DLC1: variants seen among roughly 807,000 people sequenced by gnomAD.
The protein encoded by DLC1 is DLC1 Rho GTPase activating protein, also known as rho GTPase-activating protein 7.
Under a neutral mutation model 140.3 loss-of-function variants are expected in DLC1, and 54 were observed. The observed-to-expected ratio is 0.38, with a 90% CI of 0.31 to 0.48. The LOEUF is 0.48. Among genes scored for constraint, DLC1 ranks in the 20% least tolerant of loss-of-function variants. The pLI is 0.96. For synonymous variants in DLC1, 986 were observed against 728.1 expected (o/e 1.35, Z -5.70); for missense variants, 2,536 against 1,907.0 (o/e 1.33, Z -6.14).
At chr8:13,153,128 G>A (rs4302840) in intron 5 of DLC1, among the ~76,000 whole-genome samples, 50,813 of 151,592 alleles carry the variant, frequency 0.34, 9,664 homozygotes, top group East Asian at 0.53. Context: ...CCGCGGACCC[G>A]CGCAGTGAGT....
At chr8:13,262,336 C>T (rs1365071195) in intron 5 of DLC1, among the ~76,000 whole-genome samples, 1 of 151,114 alleles carries the variant, frequency 6.6e-6, no homozygotes, top group East Asian at 1.9e-4. Context: ...TGATAAAAGC[C>T]ATTAAAATTA....
intron 5 of DLC1, among the ~76,000 whole-genome samples, chr8:13,299,059 C>T (rs1832075860): frequency 6.6e-6 from 1 of 151,830 alleles, no homozygotes; most frequent in Admixed American, 6.6e-5. Context: ...TGCAGTGTTA[C>T]TTTTCCAAGA....
chr8:13,421,427 C>T (rs1838317161), intron 2 of DLC1, among the ~76,000 whole-genome samples: 1 of 152,082 alleles, frequency 6.6e-6, no homozygotes, highest in Non-Finnish European at 1.5e-5. Flanking sequence ...TAACCATCTG[C>T]ATATATCTGG....
chr8:13,592,086 A>C (rs755556251), intron 1 of DLC1, among the ~76,000 whole-genome samples: 1 of 152,062 alleles, frequency 6.6e-6, no homozygotes, highest in Non-Finnish European at 1.5e-5. Flanking sequence ...AAGAGTTCAA[A>C]CATAGGGCCC....
chr8:13,524,328 G>A (rs1802854038), intron 1 of DLC1, among the ~76,000 whole-genome samples: 1 of 151,766 alleles, frequency 6.6e-6, no homozygotes, highest in Admixed American at 6.6e-5. Context: ...AGTAGAGATG[G>A]GGTTTTGCCA....
intron 5 of DLC1, among the ~76,000 whole-genome samples, chr8:13,211,669 T>C (rs1827949201): frequency 6.6e-6 from 1 of 152,226 alleles, no homozygotes; most frequent in South Asian, 2.1e-4. Context: ...TTCCTCTGTC[T>C]ATTAGATACA....
At chr8:13,579,343 A>AT (rs1804972231) in intron 1 of DLC1, among the ~76,000 whole-genome samples, 1 of 28,932 alleles carries the variant, frequency 3.5e-5, no homozygotes, top group African/African-American at 1.1e-4. Flanking sequence ...ATATATATAT[A>AT]TATATATATA....
intron 5 of DLC1, among the ~76,000 whole-genome samples, chr8:13,145,347 T>C (rs1823339438): frequency 1.3e-5 from 2 of 152,172 alleles, no homozygotes; most frequent in Admixed American, 1.3e-4. Context: ...TAACTGGGCA[T>C]AGAAAACATA....
chr8:13,592,146 G>C (rs541323347), intron 1 of DLC1, among the ~76,000 whole-genome samples: 1 of 152,032 alleles, frequency 6.6e-6, no homozygotes, highest in Non-Finnish European at 1.5e-5. Context: ...GCCTGAGCAA[G>C]TAGAAGAAGA....
intron 4 of DLC1, among the ~76,000 whole-genome samples, chr8:13,371,277 A>G (rs1314265808): frequency 1.3e-5 from 2 of 152,134 alleles, no homozygotes; most frequent in Non-Finnish European, 2.9e-5. Context: ...GGATTTCCAG[A>G]ACAGCCTTCA....
intron 2 of DLC1, among the ~76,000 whole-genome samples, chr8:13,457,262 T>C (rs1484453722): frequency 2.6e-5 from 4 of 152,202 alleles, no homozygotes; most frequent in African/African-American, 9.7e-5. Flanking sequence ...TTTGTTGAAT[T>C]ATATAAAATA....
Position 13,164,571 on chromosome 8 carries a change from C to G in DLC1, c.1349-48914G>C, listed in dbSNP as rs1394450026. The stretch of plus-strand genomic sequence containing the variant: ...GGCATTAATTTTAACGGGATCTTAT[C>G]TATATGAGCATATCAACATGGAACC... On this transcript the variant is annotated intron_variant, in intron 5 of 17. Coordinates refer to ENST00000276297, the MANE Select transcript of DLC1 (RefSeq NM_182643.3). Among the ~76,000 whole-genome samples the G allele has an allele frequency of 2.6e-5, 4 of 152,100 alleles. No homozygotes were observed. The East Asian group carries it at 5.8e-4, about 22-fold the overall frequency.
intron 2 of DLC1, among the ~76,000 whole-genome samples, chr8:13,415,656 C>T (rs952287249): frequency 2.6e-5 from 4 of 152,108 alleles, no homozygotes; most frequent in African/African-American, 9.7e-5. Flanking sequence ...GCCTTGGCCT[C>T]TCAAAGTGCT....
rs145310728 is a variant in DLC1 at position 13,424,183 on chromosome 8, A to G, written c.1024-22564T>C. Among the ~76,000 whole-genome samples, 271 of 152,250 alleles carry G rather than the reference A, an allele frequency of 1.8e-3. 1 individual carries two copies. Among genetic ancestry groups the G allele is most frequent in the African/African-American group, 6.3e-3 (263 of 41,570 alleles). ...CAAAATAACTCATTGTCCTACCTGG[A>G]AAAAATAGAAATAATGATAAAAATA... is the stretch of plus-strand genomic sequence containing the variant. On this transcript the variant is annotated intron_variant, in intron 2 of 17. Transcript: ENST00000276297.
At chr8:13,442,113 C>T (rs1306265660) in intron 2 of DLC1, among the ~76,000 whole-genome samples, 1 of 152,158 alleles carries the variant, frequency 6.6e-6, no homozygotes, top group Admixed American at 6.5e-5. Context: ...AAAGGATTCC[C>T]TATTTAATAA....
rs937480057 is a variant in DLC1, at chr8:13,092,735, T to C, written c.3617A>G (p.Tyr1206Cys). The C allele has an allele frequency of 2.5e-6, 4 of 1,614,076 alleles. No homozygotes were observed. In the African/African-American group the frequency reaches 4.0e-5, roughly 16 times the overall value. The change falls in exon 13 of 18, where the codon TAT (tyrosine) becomes TGT (cysteine). Residue 1206 changes from tyrosine to cysteine, a missense_variant. Tyr to Cys is a radical substitution (Grantham distance 194). Coordinates refer to ENST00000276297, the MANE Select transcript of DLC1 (RefSeq NM_182643.3). ...ENREVLQTLLYFLSDVTAAVK... is the reference protein window; with the variant it reads ...ENREVLQTLLCFLSDVTAAVK... The stretch of plus-strand genomic sequence containing the variant: ...GGCTGCTGTGACATCGCTCAGGAAA[T>C]AAAGCAGGGTCTGCAGAACCTCCCG...
intron 5 of DLC1, among the ~76,000 whole-genome samples, chr8:13,170,729 C>CAAAA (rs1179460110): frequency 7.9e-5 from 5 of 63,108 alleles, no homozygotes; most frequent in African/African-American, 1.3e-4. Flanking sequence ...GACTCCATCT[C>CAAAA]AAAAAAAAAA....
At position 13,095,210 on chromosome 8, in the gene DLC1, G is replaced by T. The variant is rs781331714; in HGVS notation, c.3203C>A (p.Pro1068Gln). The T allele has an allele frequency of 6.2e-7, 1 of 1,614,212 alleles. No individual in the cohort carries two copies. The highest frequency in any genetic ancestry group is 8.5e-7 in the Non-Finnish European group (1 of 1,180,046). The change falls in exon 11 of 18, where the codon CCA becomes CAA. Residue 1068 changes from proline to glutamine, a missense_variant. Physicochemically the swap from Pro to Gln is moderately conservative, Grantham distance 76. Transcript: ENST00000276297. ...AAACACACTCCGGTCCTTGTAGTCT[G>T]GAACCTTGATCCTCTTCATGAACTT... Reference protein sequence around the residue: ...VPKFMKRIKVPDYKDRSVFGV... With the variant: ...VPKFMKRIKVQDYKDRSVFGV...
Position 13,423,643 on chromosome 8 carries a change from C to T in DLC1, c.1024-22024G>A, listed in dbSNP as rs78138186. Reference sequence around the variant, plus strand: ...ATTCTGTGACCATTTAAACAGAAATCGGATTTCTGCTCTGATGTGTGCCAT... The same window carrying T: ...ATTCTGTGACCATTTAAACAGAAATTGGATTTCTGCTCTGATGTGTGCCAT... On this transcript the variant is annotated intron_variant, in intron 2 of 17. Transcript: ENST00000276297. Among the ~76,000 whole-genome samples, 444 of 152,210 alleles carry T rather than the reference C, an allele frequency of 2.9e-3. 18 individuals carry two copies. In the East Asian group the frequency reaches 0.076, roughly 26 times the overall value.
Sources: allele counts gnomAD v4.1 joint callset (sites outside exome capture counted in the v4.1 genomes callset), GRCh38; gene constraint gnomAD v4.1.1; transcripts MANE v1.5; gene names NCBI Gene and HGNC (gene_info 2026-07-23, HGNC 2026-07-21).